Variants in RB1 observed in about 807,000 individuals in gnomAD.
The protein encoded by RB1 is RB transcriptional corepressor 1.
Under a neutral mutation model 135.4 loss-of-function variants are expected in RB1, and 18 were observed. That is an observed-to-expected ratio of 0.13 (90% CI 0.09 to 0.20). The LOEUF is 0.20. Among genes scored for constraint, RB1 ranks in the 10% least tolerant of loss-of-function variants. RB1 has a pLI of 1.00. For missense variants in RB1, 868 were observed against 1,110.0 expected (o/e 0.78, Z 3.10); for synonymous variants, 365 against 373.2 (o/e 0.98, Z 0.25).
chr13:48,461,588 T>C (rs1307215995), intron 20 of RB1, among the ~76,000 whole-genome samples: 1 of 152,218 alleles, frequency 6.6e-6, no homozygotes, highest in African/African-American at 2.4e-5. Flanking sequence ...CCAAAGTGGC[T>C]ATACCATTTT....
intron 3 of RB1, among the ~76,000 whole-genome samples, chr13:48,344,600 G>A (rs146270075): frequency 5.3e-5 from 8 of 152,254 alleles, no homozygotes; most frequent in Non-Finnish European, 1.0e-4. Flanking sequence ...GTGTCCACAC[G>A]GGGGAGGGGG....
intron 2 of RB1, chr13:48,317,139 TG>T: frequency 1.1e-6 from 1 of 884,644 alleles, no homozygotes; most frequent in Non-Finnish European, 1.6e-6. Context: ...GGGCCCGGCC[TG>T]GGCCTCCCTG....
chr13:48,461,659 C>A (rs1949406144), intron 20 of RB1, among the ~76,000 whole-genome samples: 1 of 148,126 alleles, frequency 6.8e-6, no homozygotes, highest in African/African-American at 2.5e-5. Flanking sequence ...ACTTTTTTAT[C>A]TTTTTTTTTT....
At chr13:48,368,959 TC>T (rs2138124147) in intron 11 of RB1, among the ~76,000 whole-genome samples, 1 of 152,168 alleles carries the variant, frequency 6.6e-6, no homozygotes, top group Admixed American at 6.5e-5. Context: ...AGAGCTGAGA[TC>T]GTGCCATTGC....
At chr13:48,309,353 A>G (rs147721349) in intron 2 of RB1, among the ~76,000 whole-genome samples, 2 of 152,330 alleles carry the variant, frequency 1.3e-5, no homozygotes, top group Admixed American at 6.5e-5. Flanking sequence ...TGTATGTCCC[A>G]TAAGAAAATT....
intron 2 of RB1, among the ~76,000 whole-genome samples, chr13:48,335,933 T>C (rs1566183891): frequency 1.3e-5 from 2 of 150,948 alleles, no homozygotes; most frequent in Non-Finnish European, 3.0e-5. Context: ...AAGAGAATGG[T>C]GGGAAAAAAG....
rs140450514 is a variant in RB1, at chr13:48,475,531, C to T, written c.2521-1170C>T. Among the ~76,000 whole-genome samples, 18 of 152,342 alleles carry T rather than the reference C, an allele frequency of 1.2e-4. No homozygotes were observed. The East Asian group carries it at 3.5e-3, about 29-fold the overall frequency. ...ACATGGCAGCTTGCTTTGCCCAGAGCAGGGACTCTGAGGGAGGCAGGGAAA... is the reference window on the plus strand; with the variant it reads ...ACATGGCAGCTTGCTTTGCCCAGAGTAGGGACTCTGAGGGAGGCAGGGAAA... On this transcript the variant is annotated intron_variant, in intron 24 of 26. Coordinates refer to ENST00000267163, the MANE Select transcript of RB1 (RefSeq NM_000321.3).
chr13:48,402,639 A>T (rs143724492), intron 17 of RB1, among the ~76,000 whole-genome samples: 54 of 152,142 alleles, frequency 3.5e-4, no homozygotes, highest in African/African-American at 1.3e-3. Context: ...GGCTTCCCAA[A>T]GTGCTGGGAT....
intron 11 of RB1, among the ~76,000 whole-genome samples, chr13:48,368,976 A>T (rs1952731969): frequency 6.6e-6 from 1 of 152,122 alleles, no homozygotes; most frequent in African/African-American, 2.4e-5. Context: ...ATTGCACTTC[A>T]GCCTGGGTGA....
Position 48,411,674 on chromosome 13 carries a change from A to G in RB1, c.1695+30231A>G, listed in dbSNP as rs745885749. On this transcript the variant is annotated intron_variant, in intron 17 of 26. Coordinates refer to ENST00000267163, the MANE Select transcript of RB1 (RefSeq NM_000321.3). ...TTTGTGTTCTCACAAGAGAATATAA[A>G]ATAAGATTGATATTGTAAGGAACAA... 9 of 1,610,890 alleles carry G rather than the reference A, an allele frequency of 5.6e-6. No individual in the cohort carries two copies. The South Asian group carries it at 8.8e-5, about 16-fold the overall frequency.
intron 17 of RB1, chr13:48,439,925 T>C (rs905828786): frequency 6.6e-6 from 1 of 152,178 alleles, no homozygotes; most frequent in Non-Finnish European, 1.5e-5. Flanking sequence ...ATATAGTTTA[T>C]ACTTCTTAAG....
Position 48,432,925 on chromosome 13 carries a change from C to T in RB1, c.1696-20068C>T, listed in dbSNP as rs1374240324. Among the ~76,000 whole-genome samples the T allele has an allele frequency of 2.0e-5, 3 of 152,220 alleles. No individual in the cohort carries two copies. In the East Asian group the frequency reaches 5.8e-4, roughly 29 times the overall value. Reference sequence around the variant, plus strand: ...GTTTATGATTTTCCAGATTTAATTTCAGTCTTTGCTATTATGCTTATATAG... The same window carrying T: ...GTTTATGATTTTCCAGATTTAATTTTAGTCTTTGCTATTATGCTTATATAG... On this transcript the variant is annotated intron_variant, in intron 17 of 26. Coordinates refer to ENST00000267163, the MANE Select transcript of RB1 (RefSeq NM_000321.3).
rs2138120867 is a variant in RB1 at position 48,367,477 on chromosome 13, G to A, written c.940-17G>A. The A allele has an allele frequency of 3.1e-6, 5 of 1,597,724 alleles. No individual in the cohort carries two copies. Among genetic ancestry groups the A allele is most frequent in the Non-Finnish European group, 3.4e-6 (4 of 1,170,520 alleles). ...TGACATGTAAAGGATAATTGTCAGT[G>A]ACTTTTTTCTTTCAAGGTTGAAAAT... On this transcript the variant is annotated splice_polypyrimidine_tract_variant and intron_variant, in intron 9 of 26. Coordinates refer to ENST00000267163, the MANE Select transcript of RB1 (RefSeq NM_000321.3).
chr13:48,413,332 T>G (rs542777469), intron 17 of RB1, among the ~76,000 whole-genome samples: 1 of 152,330 alleles, frequency 6.6e-6, no homozygotes, highest in African/African-American at 2.4e-5. Context: ...CCTTCTGCGG[T>G]GCTGGCAACC....
At chr13:48,460,538 A>C (rs990813487) in intron 20 of RB1, among the ~76,000 whole-genome samples, 5 of 152,218 alleles carry the variant, frequency 3.3e-5, no homozygotes, top group Admixed American at 2.6e-4. Flanking sequence ...GTGTGAAAAA[A>C]GCATGAGACT....
intron 3 of RB1, 90 bp downstream of exon 3, chr13:48,342,804 A>G (rs1952458945): frequency 3.5e-6 from 3 of 866,232 alleles, no homozygotes; most frequent in Non-Finnish European, 5.6e-6. Context: ...AATTAGTGAG[A>G]AATGCTAAAA....
intron 6 of RB1, among the ~76,000 whole-genome samples, chr13:48,357,159 TACTC>T (rs1482775684): frequency 6.6e-6 from 1 of 151,872 alleles, no homozygotes; most frequent in Non-Finnish European, 1.5e-5. Context: ...AATCTTAACA[TACTC>T]TATTTAAAAA....
At chr13:48,344,704 A>G (rs185489749) in intron 3 of RB1, among the ~76,000 whole-genome samples, 1 of 152,298 alleles carries the variant, frequency 6.6e-6, no homozygotes, top group East Asian at 1.9e-4. Flanking sequence ...CCCACTGTCA[A>G]TGAAGAGTTA....
chr13:48,476,608 G>A lies in RB1; in HGVS notation c.2521-93G>A, dbSNP rs1371262172. ...TTAAATGAAGTTATTACCTTTGCCT[G>A]ATTTTTGACACACCTCAAACTATAA... is the stretch of plus-strand genomic sequence containing the variant. On this transcript the variant is annotated intron_variant, in intron 24 of 26. Transcript: ENST00000267163. 4 of 1,354,238 alleles carry A rather than the reference G, an allele frequency of 3.0e-6. No individual in the cohort carries two copies. In the East Asian group the frequency reaches 9.5e-5, roughly 32 times the overall value. The allele number at this position is 1,354,238 out of a possible 1,614,324, so 83.9% of individuals were successfully genotyped here.
Sources: allele counts gnomAD v4.1 joint callset (sites outside exome capture counted in the v4.1 genomes callset), GRCh38; gene constraint gnomAD v4.1.1; transcripts MANE v1.5; gene names NCBI Gene and HGNC (gene_info 2026-07-23, HGNC 2026-07-21).